The following GPC6 variants were observed in gnomAD, a reference collection of about 807,000 sequenced individuals.
GPC6 encodes the protein glypican-6.
In GPC6, 14 loss-of-function variants were observed where a neutral mutation model predicts 55.2. The observed-to-expected ratio is 0.25, with a 90% CI of 0.17 to 0.40. GPC6 has a LOEUF of 0.40. Ranked by LOEUF, GPC6 falls within the 10% of genes least tolerant of loss-of-function variation. GPC6 has a pLI of 1.00. For missense variants in GPC6, 641 were observed against 708.5 expected, an observed-to-expected ratio of 0.90 and a Z score of 1.08; for synonymous variants, 278 against 259.6, an observed-to-expected ratio of 1.07 and a Z score of -0.68.
intron 4 of GPC6, among the ~76,000 whole-genome samples, chr13:94,067,478 GTC>G (rs5805845): frequency 0.28 from 40,978 of 144,070 alleles, 6,072 homozygotes; most frequent in Middle Eastern, 0.42. Flanking sequence ...CTGTCTGTCT[GTC>G]TCTCTCTCTC....
intron 2 of GPC6, among the ~76,000 whole-genome samples, chr13:93,786,889 G>A (rs1270356781): frequency 1.3e-5 from 2 of 152,152 alleles, no homozygotes; most frequent in African/African-American, 2.4e-5. Context: ...AACCCGCTGA[G>A]CCTATTATGT....
intron 1 of GPC6, among the ~76,000 whole-genome samples, chr13:93,527,781 G>C (rs1471888661): frequency 6.6e-6 from 1 of 152,116 alleles, no homozygotes; most frequent in Non-Finnish European, 1.5e-5. Context: ...CATCTTAAAT[G>C]ATTAGTGGGA....
At chr13:93,574,574 A>C (rs1260563167) in intron 2 of GPC6, among the ~76,000 whole-genome samples, 2 of 152,184 alleles carry the variant, frequency 1.3e-5, no homozygotes, top group African/African-American at 4.8e-5. Context: ...CAGCCCTAGG[A>C]AACGACTACA....
chr13:93,882,225 A>C (rs946963488), intron 3 of GPC6, among the ~76,000 whole-genome samples: 1 of 151,280 alleles, frequency 6.6e-6, no homozygotes, highest in African/African-American at 2.4e-5. Context: ...CATGATCTCA[A>C]CTCACTGCAG....
At chr13:93,476,751 C>CT (rs1272650414) in intron 1 of GPC6, among the ~76,000 whole-genome samples, 5 of 151,774 alleles carry the variant, frequency 3.3e-5, no homozygotes, top group African/African-American at 4.8e-5. Context: ...TATTAAATGA[C>CT]TTTTTTTTGT....
intron 1 of GPC6, among the ~76,000 whole-genome samples, chr13:93,539,840 C>T (rs186777602): frequency 2.0e-5 from 3 of 151,874 alleles, no homozygotes; most frequent in East Asian, 1.9e-4. Context: ...TACAAGCATG[C>T]GCCACCACTC....
intron 1 of GPC6, among the ~76,000 whole-genome samples, chr13:93,489,642 T>G (rs931012607): frequency 1.7e-4 from 26 of 151,734 alleles, no homozygotes; most frequent in African/African-American, 5.8e-4. Context: ...CCTCTTTTAT[T>G]TTGTTGAGCA....
At chr13:93,929,925 A>G (rs1361740259) in intron 3 of GPC6, among the ~76,000 whole-genome samples, 1 of 152,088 alleles carries the variant, frequency 6.6e-6, no homozygotes, top group East Asian at 1.9e-4. Flanking sequence ...AATTTAAACA[A>G]AAAAGGTATA....
chr13:93,417,754 T>C (rs536017148), intron 1 of GPC6, among the ~76,000 whole-genome samples: 121 of 152,164 alleles, frequency 8.0e-4, no homozygotes, highest in African/African-American at 2.8e-3. Context: ...AAATAGTGCC[T>C]GCAAGAACAG....
intron 3 of GPC6, among the ~76,000 whole-genome samples, chr13:94,021,560 T>C (rs1458922608): frequency 6.6e-6 from 1 of 152,004 alleles, no homozygotes; most frequent in Admixed American, 6.6e-5. Context: ...TACCCCACAA[T>C]ACAGCTTTAT....
At chr13:94,101,013 A>G (rs1170959939) in intron 4 of GPC6, among the ~76,000 whole-genome samples, 1 of 152,232 alleles carries the variant, frequency 6.6e-6, no homozygotes, top group Non-Finnish European at 1.5e-5. Context: ...TCATTGCGTC[A>G]GGCAAACTGG....
At chr13:94,050,280 G>A (rs530720759) in intron 4 of GPC6, among the ~76,000 whole-genome samples, 1 of 152,202 alleles carries the variant, frequency 6.6e-6, no homozygotes, top group South Asian at 2.1e-4. Flanking sequence ...ACAGAGTGCT[G>A]TTAACTTCTG....
intron 1 of GPC6, among the ~76,000 whole-genome samples, chr13:93,384,212 A>G (rs1171138606): frequency 1.3e-5 from 2 of 152,166 alleles, no homozygotes. Context: ...ATTTATTCAG[A>G]TATCTAAGAG....
At chr13:94,241,897 T>TC (rs1891063916) in intron 4 of GPC6, among the ~76,000 whole-genome samples, 1 of 152,120 alleles carries the variant, frequency 6.6e-6, no homozygotes, top group Non-Finnish European at 1.5e-5. Flanking sequence ...TCTTTTTTTT[T>TC]CTTTTTAATG....
intron 4 of GPC6, among the ~76,000 whole-genome samples, chr13:94,098,845 T>C (rs2138822424): frequency 6.6e-6 from 1 of 152,298 alleles, no homozygotes; most frequent in South Asian, 2.1e-4. Context: ...TATTATTTCT[T>C]GACATTTTGC....
chr13:93,644,757 C>T (rs1000465892), intron 2 of GPC6, among the ~76,000 whole-genome samples: 9 of 138,356 alleles, frequency 6.5e-5, no homozygotes, highest in Non-Finnish European at 1.4e-4. Context: ...ATTACTGTTG[C>T]CATCAAGAGT....
chr13:94,161,966 A>G (rs140511598), intron 4 of GPC6, among the ~76,000 whole-genome samples: 22 of 152,288 alleles, frequency 1.4e-4, no homozygotes, highest in African/African-American at 4.6e-4. Flanking sequence ...GAAACCACTC[A>G]TAAAACCGTC....
intron 7 of GPC6, among the ~76,000 whole-genome samples, chr13:94,386,635 A>C (rs901560108): frequency 6.6e-6 from 1 of 152,160 alleles, no homozygotes; most frequent in Non-Finnish European, 1.5e-5. Flanking sequence ...TTTTTAAAAA[A>C]TCCATCACGT....
At chr13:94,154,971 C>T (rs896887368) in intron 4 of GPC6, among the ~76,000 whole-genome samples, 31 of 152,306 alleles carry the variant, frequency 2.0e-4, no homozygotes, top group African/African-American at 7.5e-4. Flanking sequence ...TCTCAGCCAC[C>T]TTTGTGGCTC....
Sources: allele counts gnomAD v4.1 joint callset (sites outside exome capture counted in the v4.1 genomes callset), GRCh38; gene constraint gnomAD v4.1.1; transcripts MANE v1.5; gene names NCBI Gene and HGNC (gene_info 2026-07-23, HGNC 2026-07-21).